The following EPPK1 variants were observed in gnomAD, a reference collection of about 807,000 sequenced individuals.
The protein encoded by EPPK1 is epiplakin.
For missense variants in EPPK1, 3,823 were observed against 3,673.3 expected, an observed-to-expected ratio of 1.04 and a Z score of -1.05; for synonymous variants, 1,862 against 1,721.2, an observed-to-expected ratio of 1.08 and a Z score of -2.03.
Position 143,870,859 on chromosome 8 carries a change from T to C in EPPK1, c.2395A>G (p.Ser799Gly). ...TCCACCAGCGGGGACTGCGTGCTGC[T>C]GAGTGGCAGGAGGTACAGGCCCGTC... The part of the protein sequence containing the change: ...PETGLYLLPL[S>G]STQSPLVDSA... The change falls in exon 2 of 2, where the codon AGC becomes GGC. Residue 799 changes from serine to glycine, a missense_variant. Physicochemically the swap from Ser to Gly is moderately conservative, Grantham distance 56. Transcript: ENST00000615648. The surrounding 1 kb of genome is among the most constrained non-coding windows in gnomAD (Gnocchi z 5.2). 2 of 1,612,738 alleles carry C rather than the reference T, an allele frequency of 1.2e-6. No individual in the cohort carries two copies. The highest frequency in any genetic ancestry group is 1.7e-6 in the Non-Finnish European group (2 of 1,179,862).
rs1279972679 is a variant in EPPK1 at position 143,866,122 on chromosome 8, C to T, written c.7132G>A (p.Asp2378Asn). ...AAGCCCTTGGTGTCGTCGCTGGGGT[C>T]GGCCAGGACACGGTTCATCTCCTCG... ...FDEEMNRVLA[D>N]PSDDTKGFFD... The change falls in exon 2 of 2, where the codon GAC becomes AAC. Residue 2378 changes from aspartate to asparagine, a missense_variant. Asp to Asn is a conservative substitution (Grantham distance 23). Transcript: ENST00000615648. 2.1e-5 allele frequency: 7 copies of T among 330,350 alleles called. No homozygotes were observed. Among genetic ancestry groups the T allele is most frequent in the Non-Finnish European group, 3.6e-5 (7 of 196,838 alleles). The allele number at this position is 330,350 out of a possible 1,614,324, so 20.5% of individuals were successfully genotyped here.
chr8:143,875,909 A>G (rs1210423500), intron 1 of EPPK1, among the ~76,000 whole-genome samples: 1 of 151,740 alleles, frequency 6.6e-6, no homozygotes, highest in East Asian at 1.9e-4. Flanking sequence ...GGTGGGTCAC[A>G]GGGGCCCAGG....
Position 143,868,589 on chromosome 8 carries a change from C to G in EPPK1, c.4665G>C (p.Lys1555Asn). The G allele has an allele frequency of 6.2e-7, 1 of 1,604,148 alleles. No homozygotes were observed. Among genetic ancestry groups the G allele is most frequent in the Non-Finnish European group, 8.5e-7 (1 of 1,176,088 alleles). ...TCACGCTGTCCATCTCCGCCACCTC[C>G]TTCACAGTCGTTGTCCCCTGGCTCA... The part of the protein sequence containing the change: ...DELSQGTTTV[K>N]EVAEMDSVKR... Residue 1555 changes from lysine to asparagine, a missense_variant, in exon 2 of 2, where the codon AAG becomes AAC. By Grantham distance (94) the Lys-to-Asn change is moderately conservative. Transcript: ENST00000615648.
rs35186960 is a variant in EPPK1 at position 143,857,896 on chromosome 8, C to CAAAAAAAAA, written c.*82_*90dup. Reference sequence around the variant, plus strand: ...GTAAAACAACAAAATTAAAGAATGACAAAAAAAAAAAAAAAAAAAAAAACA... The same window carrying CAAAAAAAAA: ...GTAAAACAACAAAATTAAAGAATGACAAAAAAAAAAAAAAAAAAAAAAAAAAAAAAAACA... On this transcript the variant is annotated 3_prime_UTR_variant, in exon 2 of 2. Transcript: ENST00000615648. 6.9e-5 allele frequency: 30 copies of CAAAAAAAAA among 437,902 alleles called. No individual in the cohort carries two copies. Among genetic ancestry groups the CAAAAAAAAA allele is most frequent in the African/African-American group, 1.4e-4 (4 of 29,424 alleles). The allele number at this position is 437,902 out of a possible 1,614,324, so 27.1% of individuals were successfully genotyped here.
intron 1 of EPPK1, among the ~76,000 whole-genome samples, chr8:143,875,173 G>A (rs528946925): frequency 6.6e-6 from 1 of 152,286 alleles, no homozygotes; most frequent in African/African-American, 2.4e-5. Flanking sequence ...TCTGGAACAT[G>A]CAGAGCCTAA....
rs782309718 is a variant in EPPK1, at chr8:143,869,473, T to G, written c.3781A>C (p.Ser1261Arg). The G allele has an allele frequency of 4.5e-6, 7 of 1,551,104 alleles. No individual in the cohort carries two copies. In the Admixed American group the frequency reaches 1.1e-4, roughly 25 times the overall value. ...VLLQPSGAKASIAQAVRDGLL... is the reference protein window; with the variant it reads ...VLLQPSGAKARIAQAVRDGLL... ...CCATCCCTCACGGCCTGGGCGATGC[T>G]GGCCTTGGCCCCAGAGGGCTGTAGC... The change falls in exon 2 of 2, where the codon AGC (serine) becomes CGC (arginine). Residue 1261 changes from serine to arginine, a missense_variant. Coordinates refer to ENST00000615648, the MANE Select transcript of EPPK1 (RefSeq NM_031308.4).
In EPPK1 at chr8:143,869,433, C is replaced by T; in HGVS notation, c.3821G>A (p.Gly1274Asp). The T allele has an allele frequency of 6.3e-7, 1 of 1,590,218 alleles. No individual in the cohort carries two copies. The highest frequency in any genetic ancestry group is 2.2e-5 in the East Asian group (1 of 44,776). The change falls in exon 2 of 2, where the codon GGC (glycine) becomes GAC (aspartate). Residue 1274 changes from glycine to aspartate, a missense_variant. Coordinates refer to ENST00000615648, the MANE Select transcript of EPPK1 (RefSeq NM_031308.4). Reference protein sequence around the residue: ...QAVRDGLLPTGLGQRLLEAQV... With the variant: ...QAVRDGLLPTDLGQRLLEAQV... ...GGCTTCCAGCAGCCTCTGGCCCAGG[C>T]CTGTGGGCAGGAGGCCATCCCTCAC...
chr8:143,877,808 G>C (rs374662272), intron 1 of EPPK1, among the ~76,000 whole-genome samples: 1 of 151,964 alleles, frequency 6.6e-6, no homozygotes, highest in South Asian at 2.1e-4. Flanking sequence ...ACAGTGCAGC[G>C]GGGGCCCAGG....
In EPPK1 at chr8:143,858,159, C is replaced by A. The variant is rs200585601; in HGVS notation, c.15095G>T (p.Arg5032Leu). ...CATCTCCTCGTCGAAGTAGCCGCGC[C>A]GGTAGGCCACGTCCACGGGCACGCG... ...SHRVPVDVAYRRGYFDEEMNR... is the reference protein window; with the variant it reads ...SHRVPVDVAYLRGYFDEEMNR... The change falls in exon 2 of 2, where the codon CGG becomes CTG. Residue 5032 changes from arginine to leucine, a missense_variant. Coordinates refer to ENST00000615648, the MANE Select transcript of EPPK1 (RefSeq NM_031308.4). The A allele has an allele frequency of 6.2e-7, 1 of 1,612,878 alleles. No homozygotes were observed. The highest frequency in any genetic ancestry group is 1.3e-5 in the African/African-American group (1 of 75,026).
chr8:143,878,081 T>C, intron 1 of EPPK1, among the ~76,000 whole-genome samples: 1 of 151,788 alleles, frequency 6.6e-6, no homozygotes, highest in Admixed American at 6.6e-5. Context: ...CCCCGGGCGG[T>C]CCTCGCTGCA....
Position 143,876,882 on chromosome 8 carries a change from G to T in EPPK1, c.-46+1556C>A, listed in dbSNP as rs1819490336. On this transcript the variant is annotated intron_variant, in intron 1 of 1. Coordinates refer to ENST00000615648, the MANE Select transcript of EPPK1 (RefSeq NM_031308.4). Reference sequence around the variant, plus strand: ...TGCGGGCCAGGGTGGGGCAGGGCCAGCGAGGGCGGGGCAGGGCCAGTGAGG... The same window carrying T: ...TGCGGGCCAGGGTGGGGCAGGGCCATCGAGGGCGGGGCAGGGCCAGTGAGG... Among the ~76,000 whole-genome samples the T allele has an allele frequency of 3.3e-5, 5 of 152,296 alleles. No individual in the cohort carries two copies. The South Asian group carries it at 1.0e-3, about 32-fold the overall frequency.
chr8:143,868,601 T>C lies in EPPK1; in HGVS notation c.4653A>G (p.Thr1551=), dbSNP rs1554660005. The change falls in exon 2 of 2, where the codon ACA becomes ACG. Residue 1551 remains threonine, a synonymous_variant. Coordinates refer to ENST00000615648, the MANE Select transcript of EPPK1 (RefSeq NM_031308.4). Reference sequence around the variant, plus strand: ...TCTCCGCCACCTCCTTCACAGTCGTTGTCCCCTGGCTCAGCTCGTCCAGCG... The same window carrying C: ...TCTCCGCCACCTCCTTCACAGTCGTCGTCCCCTGGCTCAGCTCGTCCAGCG... ...RKTLDELSQG[T]TTVKEVAEMD... 3 of 1,603,818 alleles carry C rather than the reference T, an allele frequency of 1.9e-6. No homozygotes were observed. The highest frequency in any genetic ancestry group is 2.3e-5 in the East Asian group (1 of 44,426).
In EPPK1 at chr8:143,871,856, C is replaced by T; in HGVS notation, c.1398G>A (p.Leu466=). The change falls in exon 2 of 2, where the codon CTG becomes CTA. Residue 466 remains leucine, a synonymous_variant. Coordinates refer to ENST00000615648, the MANE Select transcript of EPPK1 (RefSeq NM_031308.4). ...CTCCCCGGGGTCCCCCTGAGAGTGG[C>T]AGGAAGGCAAGCCCGGTCTCTGGGT... The part of the protein sequence containing the change: ...VTDPETGLAF[L]PLSGGPRGGE... 1.9e-6 allele frequency: 3 copies of T among 1,611,700 alleles called. No individual in the cohort carries two copies. Among genetic ancestry groups the T allele is most frequent in the Non-Finnish European group, 1.7e-6 (2 of 1,179,796 alleles).
At chr8:143,875,811 G>C (rs1268528786) in intron 1 of EPPK1, among the ~76,000 whole-genome samples, 2 of 152,248 alleles carry the variant, frequency 1.3e-5, no homozygotes, top group African/African-American at 2.4e-5. Context: ...CAGCTCCCCA[G>C]TGACGCCTTG....
rs187322727 is a variant in EPPK1 at position 143,873,307 on chromosome 8, G to T, written c.-45-9C>A. ...TGAGGTCCACCTCTGTCCTGCAGGG[G>T]ACAGAAAGGCTCAATCAGGGACCCC... is the stretch of plus-strand genomic sequence containing the variant. On this transcript the variant is annotated splice_polypyrimidine_tract_variant and intron_variant, in intron 1 of 1. Coordinates refer to ENST00000615648, the MANE Select transcript of EPPK1 (RefSeq NM_031308.4). 3.4e-6 allele frequency: 5 copies of T among 1,450,446 alleles called. No homozygotes were observed. In the East Asian group the frequency reaches 1.2e-4, roughly 36 times the overall value. The allele number at this position is 1,450,446 out of a possible 1,614,324, so 89.8% of individuals were successfully genotyped here. A position where few individuals can be genotyped will look rare whatever the true frequency, so the allele number is the denominator to read the frequency against.
Position 143,870,729 on chromosome 8 carries a change from A to C in EPPK1, c.2525T>G (p.Phe842Cys), listed in dbSNP as rs1554660890. The change falls in exon 2 of 2, where the codon TTC becomes TGC. Residue 842 changes from phenylalanine (F) to cysteine (C), a missense_variant. Phe to Cys is a radical substitution (Grantham distance 205, BLOSUM62 -2). Transcript: ENST00000615648. The surrounding 1 kb of genome is among the most constrained non-coding windows in gnomAD (Gnocchi z 5.2). ...SAWELINSEYFSEGRRRQLLR... is the reference protein window; with the variant it reads ...SAWELINSEYCSEGRRRQLLR... ...CAGCTGCCTCCTGCGGCCCTCGCTG[A>C]AGTACTCAGAGTTGATCAGCTCCCA... The C allele has an allele frequency of 6.2e-7, 1 of 1,612,026 alleles. No homozygotes were observed. The highest frequency in any genetic ancestry group is 1.7e-5 in the Admixed American group (1 of 59,964).
Position 143,868,250 on chromosome 8 carries a change from C to G in EPPK1, c.5004G>C (p.Gln1668His). 6.2e-7 allele frequency: 1 copy of G among 1,613,208 alleles called. No individual in the cohort carries two copies. The highest frequency in any genetic ancestry group is 8.5e-7 in the Non-Finnish European group (1 of 1,180,012). The stretch of plus-strand genomic sequence containing the variant: ...CGTGCTCCCGGACGATGAGGTCCTT[C>G]TGCATGGCCTGGAAGAGGGAGATCT... ...GQQISLFQAM[Q>H]KDLIVREHGI... The change falls in exon 2 of 2, where the codon CAG becomes CAC. Residue 1668 changes from glutamine to histidine, a missense_variant. By Grantham distance (24) the Gln-to-His change is conservative. Transcript: ENST00000615648.
At position 143,867,451 on chromosome 8, in the gene EPPK1, C is replaced by T; in HGVS notation, c.5803G>A (p.Ala1935Thr). ...AFATWLLEAQ[A>T]ATGFLLDPCT... ...GGGTCCAGGAGGAACCCGGTGGCGG[C>T]CTGCGCCTCCAGCAGCCAAGTCGCA... is the stretch of plus-strand genomic sequence containing the variant. Residue 1935 changes from alanine (A) to threonine (T), a missense_variant, in exon 2 of 2, where the codon GCC becomes ACC. By Grantham distance (58) the Ala-to-Thr change is moderately conservative. Transcript: ENST00000615648. 6.2e-7 allele frequency: 1 copy of T among 1,612,666 alleles called. No homozygotes were observed. The highest frequency in any genetic ancestry group is 1.1e-5 in the South Asian group (1 of 91,076).
In EPPK1 at chr8:143,870,677, G is replaced by A; in HGVS notation, c.2577C>T (p.Val859=). The change falls in exon 2 of 2, where the codon GTC becomes GTT. Residue 859 remains valine, a synonymous_variant. Transcript: ENST00000615648. This position sits in a 1 kb window ranked among gnomAD's most constrained non-coding sequence, Gnocchi z 5.2. ...GCAGCTTTGCCACCTGCCCCAGCGT[G>A]ACCTCGCGCTGCCGGTAGCGACGCA... ...QLLRRYRQRE[V]TLGQVAKLLE... 1 of 1,608,758 alleles carries A rather than the reference G, an allele frequency of 6.2e-7. No individual in the cohort carries two copies. The highest frequency in any genetic ancestry group is 8.5e-7 in the Non-Finnish European group (1 of 1,178,180).
Sources: gnomAD v4.1 joint callset for allele counts (sites outside exome capture counted in the v4.1 genomes callset) on GRCh38, gnomAD v4.1.1 for gene constraint, Gnocchi (gnomAD v3.1) non-coding constraint, MANE v1.5 for transcripts, NCBI Gene and HGNC (gene_info 2026-07-23, HGNC 2026-07-21) for gene names.